The following NLGN1 variants were observed in gnomAD, a reference collection of about 807,000 sequenced individuals.
The protein encoded by NLGN1 is neuroligin 1.
Under a neutral mutation model 65.5 loss-of-function variants are expected in NLGN1, and 12 were observed. The ratio of observed to expected loss-of-function variants is 0.18; its 90% CI spans 0.12 to 0.30. The LOEUF (loss-of-function observed/expected upper bound fraction) is 0.30, where lower values mean the gene tolerates loss of function less well. NLGN1 is among the 10% of genes least tolerant of loss of function. NLGN1 has a pLI of 1.00. For synonymous variants in NLGN1, 350 were observed against 359.5 expected, an observed-to-expected ratio of 0.97 and a Z score of 0.30; for missense variants, 750 against 1,007.1, an observed-to-expected ratio of 0.74 and a Z score of 3.46.
intron 4 of NLGN1, among the ~76,000 whole-genome samples, chr3:174,005,622 C>A (rs1192247757): frequency 1.3e-5 from 2 of 152,118 alleles, no homozygotes; most frequent in Admixed American, 6.6e-5. Flanking sequence ...CACAATCCCA[C>A]AACCCCTTAC....
intron 3 of NLGN1, among the ~76,000 whole-genome samples, chr3:173,613,908 G>A (rs1480848870): frequency 6.6e-6 from 1 of 151,486 alleles, no homozygotes; most frequent in South Asian, 2.1e-4. Context: ...TCTGATTAAT[G>A]AACAGTGGTC....
chr3:174,171,869 A>G (rs1728600641), intron 4 of NLGN1, among the ~76,000 whole-genome samples: 1 of 152,150 alleles, frequency 6.6e-6, no homozygotes, highest in Non-Finnish European at 1.5e-5. Context: ...ACCAGCTTGG[A>G]TGACAATAAC....
At chr3:174,255,849 A>T (rs955143523) in intron 4 of NLGN1, among the ~76,000 whole-genome samples, 2 of 151,724 alleles carry the variant, frequency 1.3e-5, no homozygotes, top group Admixed American at 1.3e-4. Flanking sequence ...TATATAGACG[A>T]TGTTTTGCCA....
At chr3:173,603,793 G>A (rs1411250557) in intron 2 of NLGN1, among the ~76,000 whole-genome samples, 1 of 151,918 alleles carries the variant, frequency 6.6e-6, no homozygotes, top group Non-Finnish European at 1.5e-5. Flanking sequence ...TTTTTGATAA[G>A]CATGGGATTG....
intron 3 of NLGN1, among the ~76,000 whole-genome samples, chr3:173,661,122 G>A (rs1272993312): frequency 6.6e-6 from 1 of 151,890 alleles, no homozygotes; most frequent in African/African-American, 2.4e-5. Context: ...AGAGATGGAG[G>A]GAAATGAACT....
At chr3:173,673,991 A>G (rs935459727) in intron 3 of NLGN1, among the ~76,000 whole-genome samples, 1 of 152,128 alleles carries the variant, frequency 6.6e-6, no homozygotes, top group African/African-American at 2.4e-5. Flanking sequence ...AGGGTGAAGT[A>G]AATTTACAAA....
At chr3:173,526,091 T>A (rs766173882) in intron 2 of NLGN1, among the ~76,000 whole-genome samples, 8 of 152,070 alleles carry the variant, frequency 5.3e-5, no homozygotes, top group Non-Finnish European at 1.0e-4. Context: ...TTGGGGAGAA[T>A]GTTCTGTAAA....
Position 174,122,896 on chromosome 3 carries a change from TTAA to T in NLGN1, c.647-152415_647-152413del, listed in dbSNP as rs561104929. On this transcript the variant is annotated intron_variant, in intron 4 of 6. Transcript: ENST00000457714. ...ATTTGTTTCAGCAGCATGCTATTTG[TTAA>T]TAAAAATAAAATGTAATAATAAATA... Among the ~76,000 whole-genome samples the T allele has an allele frequency of 1.1e-4, 17 of 152,068 alleles. No homozygotes were observed. In the East Asian group the frequency reaches 3.3e-3, roughly 29 times the overall value.
chr3:173,970,027 G>A (rs1715849748), intron 4 of NLGN1, among the ~76,000 whole-genome samples: 1 of 151,852 alleles, frequency 6.6e-6, no homozygotes, highest in East Asian at 1.9e-4. Flanking sequence ...CACTTGATAT[G>A]CATTAAGTAT....
chr3:173,508,856 G>C (rs1377987859), intron 2 of NLGN1, among the ~76,000 whole-genome samples: 2 of 152,088 alleles, frequency 1.3e-5, no homozygotes. Flanking sequence ...TAGTAGGGTC[G>C]AGCCCAGCCC....
intron 4 of NLGN1, among the ~76,000 whole-genome samples, chr3:174,059,367 C>T (rs1007431457): frequency 2.0e-5 from 3 of 152,106 alleles, no homozygotes; most frequent in African/African-American, 7.2e-5. Flanking sequence ...TTCCGTTCAA[C>T]AGTGTTTTTC....
At chr3:173,846,943 G>A (rs1725903445) in intron 4 of NLGN1, among the ~76,000 whole-genome samples, 1 of 152,146 alleles carries the variant, frequency 6.6e-6, no homozygotes, top group Non-Finnish European at 1.5e-5. Flanking sequence ...AATCATGGTA[G>A]TAAATATCTC....
intron 4 of NLGN1, among the ~76,000 whole-genome samples, chr3:174,027,614 A>G (rs893547595): frequency 2.6e-5 from 4 of 152,178 alleles, no homozygotes; most frequent in Non-Finnish European, 5.9e-5. Context: ...AACAAGATAT[A>G]TAGTCACACT....
chr3:173,595,048 C>T (rs1749219185), intron 2 of NLGN1, among the ~76,000 whole-genome samples: 1 of 152,242 alleles, frequency 6.6e-6, no homozygotes, highest in Non-Finnish European at 1.5e-5. Flanking sequence ...AGACCTTAGA[C>T]ATGCCCTGGA....
chr3:173,597,744 C>T (rs1169169480), intron 2 of NLGN1, among the ~76,000 whole-genome samples: 1 of 151,486 alleles, frequency 6.6e-6, no homozygotes, highest in Non-Finnish European at 1.5e-5. Flanking sequence ...AAAACATACA[C>T]AAAAATAGAC....
At chr3:174,078,632 C>CT (rs1246347221) in intron 4 of NLGN1, among the ~76,000 whole-genome samples, 2 of 152,058 alleles carry the variant, frequency 1.3e-5, no homozygotes, top group Non-Finnish European at 2.9e-5. Flanking sequence ...ATGCTACTTC[C>CT]TACCTATGTA....
At chr3:173,849,843 A>G (rs957946175) in intron 4 of NLGN1, among the ~76,000 whole-genome samples, 1 of 152,142 alleles carries the variant, frequency 6.6e-6, no homozygotes, top group Non-Finnish European at 1.5e-5. Context: ...AAATCTAACC[A>G]TTTAATAGAT....
rs149890326 is a variant in NLGN1 at position 173,974,758 on chromosome 3, C to T, written c.646+166926C>T. 5.3e-4 allele frequency among the ~76,000 whole-genome samples: 81 copies of T among 152,140 alleles called. 1 individual carries two copies. The East Asian group carries it at 0.014, about 25-fold the overall frequency. On this transcript the variant is annotated intron_variant, in intron 4 of 6. Coordinates refer to ENST00000457714, the Ensembl canonical transcript of NLGN1. ...ATGTTTTGCTTTACAGTACTTCCTA[C>T]AGCAGGCCCTATTTTCTGTTTTGTC...
At chr3:174,278,437 C>T (rs572566005) in intron 5 of NLGN1, among the ~76,000 whole-genome samples, 2 of 151,986 alleles carry the variant, frequency 1.3e-5, no homozygotes, top group Non-Finnish European at 2.9e-5. Context: ...GGAAGATGGA[C>T]ACAGCCAAAC....
Sources: gnomAD v4.1 joint callset for allele counts (sites outside exome capture counted in the v4.1 genomes callset) on GRCh38, gnomAD v4.1.1 for gene constraint, MANE v1.5 for transcripts, NCBI Gene and HGNC (gene_info 2026-07-23, HGNC 2026-07-21) for gene names.